The following ENO4 variants were observed in gnomAD, a reference collection of about 807,000 sequenced individuals.
ENO4 encodes 2-phospho-D-glycerate hydro-lyase.
A neutral mutation model predicts 63.2 loss-of-function variants in ENO4; 53 were observed. The observed-to-expected ratio is 0.84, with a 90% CI of 0.67 to 1.05. The LOEUF is 1.05. ENO4 is among the 50% of genes least tolerant of loss of function. The pLI is 0.00. For synonymous variants in ENO4, 266 were observed against 283.8 expected, an observed-to-expected ratio of 0.94 and a Z score of 0.63; for missense variants, 719 against 772.0, an observed-to-expected ratio of 0.93 and a Z score of 0.81.
At chr10:116,900,018 G>A (rs1421575009) in intron 10 of ENO4, among the ~76,000 whole-genome samples, 1 of 152,186 alleles carries the variant, frequency 6.6e-6, no homozygotes, top group Non-Finnish European at 1.5e-5. Flanking sequence ...AATGAAGTGT[G>A]CCAGTCTGGG....
At chr10:116,854,021 C>T (rs1294535763) in intron 1 of ENO4, among the ~76,000 whole-genome samples, 2 of 152,186 alleles carry the variant, frequency 1.3e-5, no homozygotes, top group Non-Finnish European at 2.9e-5. Context: ...CACAGAAACA[C>T]CTTCCTGAGC....
At position 116,900,279 on chromosome 10, in the gene ENO4, A is replaced by T. The variant is rs1847684524; in HGVS notation, c.1195-11220A>T. 5 of 482,092 alleles carry T rather than the reference A, an allele frequency of 1.0e-5. No homozygotes were observed. In the South Asian group the frequency reaches 1.5e-4, roughly 14 times the overall value. 29.9% of individuals were successfully genotyped at this position (482,092 alleles called of 1,614,324 possible). On this transcript the variant is annotated intron_variant, in intron 10 of 10. Transcript: ENST00000369207. ...TATTAGAGCTTTAAGTAGATAAATTAAACTGGAATGTGTCTCTTAAGCAGT... is the reference window on the plus strand; with the variant it reads ...TATTAGAGCTTTAAGTAGATAAATTTAACTGGAATGTGTCTCTTAAGCAGT...
At chr10:116,903,121 A>T (rs1481012965) in intron 10 of ENO4, among the ~76,000 whole-genome samples, 2 of 152,062 alleles carry the variant, frequency 1.3e-5, no homozygotes, top group Non-Finnish European at 2.9e-5. Flanking sequence ...GTTACACAGG[A>T]CCTCTCTGTT....
intron 7 of ENO4, among the ~76,000 whole-genome samples, chr10:116,865,571 A>T (rs907454653): frequency 1.3e-5 from 2 of 152,152 alleles, no homozygotes; most frequent in Admixed American, 1.3e-4. Flanking sequence ...GATTTTTAAA[A>T]TTTTTTGATG....
At chr10:116,893,235 A>G (rs1847395122) in intron 10 of ENO4, among the ~76,000 whole-genome samples, 1 of 152,100 alleles carries the variant, frequency 6.6e-6, no homozygotes, top group Non-Finnish European at 1.5e-5. Context: ...CAGCGGGGGA[A>G]GGAAAAAAAA....
At chr10:116,876,322 A>G (rs1255377665) in intron 11 of ENO4, 62 bp downstream of exon 11, 3 of 1,257,602 alleles carry the variant, frequency 2.4e-6, no homozygotes, top group Admixed American at 3.0e-5. Context: ...AACCAAAAAT[A>G]CACAGCATAT....
At chr10:116,908,376 A>G (rs1374200157) in intron 10 of ENO4, among the ~76,000 whole-genome samples, 2 of 152,198 alleles carry the variant, frequency 1.3e-5, no homozygotes, top group Non-Finnish European at 2.9e-5. Flanking sequence ...TTTCTTTAAC[A>G]TTGCTGATAT....
At chr10:116,893,576 G>GCGCACACA (rs1554905664) in intron 10 of ENO4, among the ~76,000 whole-genome samples, 1 of 123,594 alleles carries the variant, frequency 8.1e-6, no homozygotes, top group South Asian at 3.0e-4. Flanking sequence ...GCACTCATGT[G>GCGCACACA]CACACACACA....
chr10:116,885,457 AAAC>A (rs954776866), downstream of ENO4: 11 of 152,626 alleles, frequency 7.2e-5, no homozygotes, highest in Admixed American at 1.3e-4. Flanking sequence ...TTTTTAAAAA[AAAC>A]AACAACAAAC....
chr10:116,912,108 C>G (rs1848222684), downstream of ENO4, among the ~76,000 whole-genome samples: 1 of 152,196 alleles, frequency 6.6e-6, no homozygotes, highest in African/African-American at 2.4e-5. Context: ...ATTGTTACCT[C>G]TTGATTATTA....
In ENO4 at chr10:116,861,155, A is replaced by T; in HGVS notation, c.901A>T (p.Ile301Phe). ...SGKLNLMKEVICIPHPELTTK... is the reference protein window; with the variant it reads ...SGKLNLMKEVFCIPHPELTTK... Reference sequence around the variant, plus strand: ...GAAGCTAAATTTAATGAAAGAAGTGATTTGTATACCCCATCCTGAATTAAC... The same window carrying T: ...GAAGCTAAATTTAATGAAAGAAGTGTTTTGTATACCCCATCCTGAATTAAC... Residue 301 changes from isoleucine to phenylalanine, a missense_variant, in exon 6 of 14, where the codon ATT (isoleucine) becomes TTT (phenylalanine). Coordinates refer to ENST00000341276, the MANE Select transcript of ENO4 (RefSeq NM_001242699.2). 1.3e-6 allele frequency: 2 copies of T among 1,543,780 alleles called. No homozygotes were observed. The highest frequency in any genetic ancestry group is 1.8e-6 in the Non-Finnish European group (2 of 1,142,658).
intron 7 of ENO4, among the ~76,000 whole-genome samples, chr10:116,865,030 A>G (rs540366953): frequency 1.3e-3 from 193 of 152,250 alleles, no homozygotes; most frequent in African/African-American, 4.5e-3. Context: ...GGGGGGAAAG[A>G]AAGATAAATA....
intron 1 of ENO4, among the ~76,000 whole-genome samples, chr10:116,855,268 G>T (rs1297450126): frequency 3.3e-5 from 5 of 152,206 alleles, no homozygotes; most frequent in Admixed American, 6.5e-5. Flanking sequence ...ACTCCAGCCT[G>T]GCAACAGAGT....
chr10:116,908,995 A>G (rs1848084455), intron 10 of ENO4, among the ~76,000 whole-genome samples: 1 of 152,220 alleles, frequency 6.6e-6, no homozygotes, highest in Non-Finnish European at 1.5e-5. Context: ...GAAATGATGA[A>G]GAGCTCAGCT....
chr10:116,856,153 A>G (rs1846250958), intron 2 of ENO4, among the ~76,000 whole-genome samples: 1 of 152,212 alleles, frequency 6.6e-6, no homozygotes, highest in Admixed American at 6.5e-5. Context: ...AATTCGTTTT[A>G]ATTCACTTTG....
chr10:116,862,707 ACT>A (rs757287984), intron 6 of ENO4, 90 bp from the exon 7 acceptor site: 418 of 847,628 alleles, frequency 4.9e-4, no homozygotes, highest in Non-Finnish European at 1.3e-4. Flanking sequence ...CTCTACAAAT[ACT>A]CTGAGTTAGA....
intron 11 of ENO4, among the ~76,000 whole-genome samples, chr10:116,877,270 A>G (rs753585702): frequency 6.6e-6 from 1 of 152,192 alleles, no homozygotes; most frequent in Non-Finnish European, 1.5e-5. Flanking sequence ...TAAGGAGTCA[A>G]CACCTTAACA....
intron 1 of ENO4, among the ~76,000 whole-genome samples, chr10:116,853,246 G>A (rs1846140964): frequency 7.5e-6 from 1 of 133,982 alleles, no homozygotes; most frequent in Non-Finnish European, 1.5e-5. Context: ...AGCGAGCCAA[G>A]ATTGTGCCAC....
intron 10 of ENO4, chr10:116,907,835 A>T (rs2531690): frequency 2.2e-5 from 11 of 509,366 alleles, no homozygotes; most frequent in Non-Finnish European, 4.3e-5. Flanking sequence ...TTGTCCACCA[A>T]GGCTAATAAT....
Sources: allele counts gnomAD v4.1 joint callset (sites outside exome capture counted in the v4.1 genomes callset), GRCh38; gene constraint gnomAD v4.1.1; transcripts MANE v1.5; gene names NCBI Gene and HGNC (gene_info 2026-07-23, HGNC 2026-07-21).